Variants in MACROD1 observed in about 807,000 individuals in gnomAD.
The protein encoded by MACROD1 is mono-ADP ribosylhydrolase 1.
A neutral mutation model predicts 41.4 loss-of-function variants in MACROD1; 31 were observed. That is an observed-to-expected ratio of 0.75 (90% CI 0.56 to 1.01). The LOEUF (loss-of-function observed/expected upper bound fraction) is 1.01. MACROD1 is among the 50% of genes least tolerant of loss of function. The pLI is 0.00. For missense variants in MACROD1, 473 were observed against 460.0 expected, an observed-to-expected ratio of 1.03 and a Z score of -0.26; for synonymous variants, 252 against 203.4, an observed-to-expected ratio of 1.24 and a Z score of -2.03.
chr11:64,151,311 G>A lies in MACROD1; in HGVS notation c.445C>T (p.Gln149Ter). The A allele has an allele frequency of 1.2e-6, 2 of 1,613,938 alleles. No individual in the cohort carries two copies. The highest frequency in any genetic ancestry group is 8.5e-7 in the Non-Finnish European group (1 of 1,180,030). ...VEEPRYKKDKQLNEKISLLRS... is the reference protein window; with the variant it reads ...VEEPRYKKDK The stretch of plus-strand genomic sequence containing the variant: ...AGCAGGGAGATTTTCTCATTGAGCT[G>A]CTTGTCCTTTTTATACCTGGGCTCC... The change falls in exon 3 of 11, where the codon CAG (glutamine) becomes TAG (stop). Residue 149 changes from glutamine to a stop codon, truncating the protein, a stop_gained. Coordinates refer to ENST00000255681, the MANE Select transcript of MACROD1 (RefSeq NM_014067.4). LOFTEE classifies it high-confidence loss of function.
chr11:64,128,331 G>A (rs1945216101), intron 3 of MACROD1, among the ~76,000 whole-genome samples: 1 of 152,166 alleles, frequency 6.6e-6, no homozygotes, highest in South Asian at 2.1e-4. Flanking sequence ...CTGGAACACA[G>A]TCAGCCAGCC....
intron 3 of MACROD1, among the ~76,000 whole-genome samples, chr11:64,137,646 G>A (rs1221899976): frequency 6.6e-6 from 1 of 152,134 alleles, no homozygotes; most frequent in African/African-American, 2.4e-5. Flanking sequence ...AGTAGCCATC[G>A]AGAGTGTAAA....
At chr11:64,134,646 C>T (rs997058865) in intron 3 of MACROD1, among the ~76,000 whole-genome samples, 7 of 152,170 alleles carry the variant, frequency 4.6e-5, no homozygotes, top group Non-Finnish European at 4.4e-5. Context: ...CACCTGCCTC[C>T]CCGGCTGCGC....
chr11:64,099,027 G>A (rs1000087954), intron 3 of MACROD1, among the ~76,000 whole-genome samples: 8 of 152,256 alleles, frequency 5.3e-5, no homozygotes, highest in African/African-American at 1.4e-4. Context: ...CCTGAGGATC[G>A]TTTCTACTTC....
At chr11:64,135,564 G>T (rs534564695) in intron 3 of MACROD1, among the ~76,000 whole-genome samples, 1 of 152,148 alleles carries the variant, frequency 6.6e-6, no homozygotes, top group African/African-American at 2.4e-5. Flanking sequence ...GGACAAACAC[G>T]CAGGCCATAA....
intron 3 of MACROD1, chr11:64,118,950 T>C (rs1480012676): frequency 6.0e-6 from 1 of 167,114 alleles, no homozygotes; most frequent in Non-Finnish European, 1.5e-5. Context: ...CAAACTTTTT[T>C]TTCCTAGGCT....
chr11:64,057,895 C>T lies in MACROD1; in HGVS notation c.518-42614G>A, dbSNP rs569084659. ...AATTCGTGAGGTCACAGGATTTGAACTCATGTGGGTGCAACCCCAAAGCCA... is the reference window on the plus strand; with the variant it reads ...AATTCGTGAGGTCACAGGATTTGAATTCATGTGGGTGCAACCCCAAAGCCA... On this transcript the variant is annotated intron_variant, in intron 3 of 10. Coordinates refer to ENST00000255681, the MANE Select transcript of MACROD1 (RefSeq NM_014067.4). Among the ~76,000 whole-genome samples, 4 of 152,344 alleles carry T rather than the reference C, an allele frequency of 2.6e-5. No individual in the cohort carries two copies. The East Asian group carries it at 5.8e-4, about 22-fold the overall frequency.
chr11:64,132,962 G>A (rs1565252806), intron 3 of MACROD1, among the ~76,000 whole-genome samples: 3 of 152,164 alleles, frequency 2.0e-5, no homozygotes. Context: ...AGGTCTGTCC[G>A]GGTTCCCCCC....
intron 4 of MACROD1, chr11:64,009,163 C>CGGGCGTCA (rs749953772): frequency 2.0e-5 from 3 of 152,082 alleles, no homozygotes; most frequent in East Asian, 1.9e-4. Flanking sequence ...AGGAGAGACA[C>CGGGCGTCA]GGGCGTCAGG....
At chr11:64,018,928 C>A (rs1316310323) in intron 3 of MACROD1, among the ~76,000 whole-genome samples, 1 of 152,214 alleles carries the variant, frequency 6.6e-6, no homozygotes, top group Non-Finnish European at 1.5e-5. Context: ...GGGATGGGCA[C>A]TGGACTGCGA....
At chr11:64,019,219 C>A (rs1039072380) in intron 3 of MACROD1, among the ~76,000 whole-genome samples, 137 of 152,168 alleles carry the variant, frequency 9.0e-4, no homozygotes, top group Non-Finnish European at 2.6e-4. Flanking sequence ...GGGTTCCCCC[C>A]GCCCGAGGAC....
At chr11:64,060,126 T>C (rs1943870734) in intron 3 of MACROD1, among the ~76,000 whole-genome samples, 1 of 152,234 alleles carries the variant, frequency 6.6e-6, no homozygotes, top group Non-Finnish European at 1.5e-5. Context: ...CCTTACTTTG[T>C]TTAATTAGTG....
At chr11:64,128,207 G>T (rs563616362) in intron 3 of MACROD1, among the ~76,000 whole-genome samples, 8 of 152,244 alleles carry the variant, frequency 5.3e-5, no homozygotes, top group African/African-American at 1.7e-4. Context: ...ACCCAGGAAA[G>T]GACCCAGGCT....
At chr11:64,109,645 C>T (rs764443033) in intron 3 of MACROD1, among the ~76,000 whole-genome samples, 5 of 152,162 alleles carry the variant, frequency 3.3e-5, no homozygotes, top group Non-Finnish European at 5.9e-5. Flanking sequence ...CCCCGGACTC[C>T]TCCACCCTGC....
At chr11:64,063,900 G>C (rs939601685) in intron 3 of MACROD1, among the ~76,000 whole-genome samples, 57 of 152,334 alleles carry the variant, frequency 3.7e-4, no homozygotes, top group African/African-American at 1.4e-3. Context: ...AGGGGGACCA[G>C]CCGGGCCCTC....
Position 64,002,228 on chromosome 11 carries a change from C to T in MACROD1, c.548-1885G>A, listed in dbSNP as rs138987722. Among the ~76,000 whole-genome samples the T allele has an allele frequency of 5.7e-3, 875 of 152,284 alleles. 14 individuals are homozygous for T. The highest frequency in any genetic ancestry group is 0.02 in the African/African-American group (827 of 41,556). Reference sequence around the variant, plus strand: ...GCCTCCCGGGTCGAGCACCTGGCACCGGCTGCTCGAAGTCTCTGGGGGCTC... The same window carrying T: ...GCCTCCCGGGTCGAGCACCTGGCACTGGCTGCTCGAAGTCTCTGGGGGCTC... On this transcript the variant is annotated intron_variant, in intron 4 of 10. Coordinates refer to ENST00000255681, the MANE Select transcript of MACROD1 (RefSeq NM_014067.4).
At chr11:64,140,469 G>C (rs1374734334) in intron 3 of MACROD1, among the ~76,000 whole-genome samples, 1 of 152,256 alleles carries the variant, frequency 6.6e-6, no homozygotes, top group Non-Finnish European at 1.5e-5. Flanking sequence ...GGTGCCTTCA[G>C]CCTGTTCAGG....
rs547601412 is a variant in MACROD1, at chr11:64,000,183, C to A, written c.664+44G>T. ...CCCTGATGTCCCAGTGACACACGGG[C>A]GCCCTGTCTGCGCCCCACAGCTGGG... On this transcript the variant is annotated intron_variant, in intron 5 of 10. Transcript: ENST00000255681. The A allele has an allele frequency of 1.0e-5, 15 of 1,502,576 alleles. No individual in the cohort carries two copies. The African/African-American group carries it at 1.1e-4, about 11-fold the overall frequency. The allele number at this position is 1,502,576 out of a possible 1,614,324, so 93.1% of individuals were successfully genotyped here.
intron 3 of MACROD1, among the ~76,000 whole-genome samples, chr11:64,021,869 C>T (rs976687382): frequency 1.3e-5 from 2 of 148,344 alleles, no homozygotes; most frequent in African/African-American, 5.0e-5. Flanking sequence ...CGAGAATCAA[C>T]TTGCACAAGA....
Sources: allele counts gnomAD v4.1 joint callset (sites outside exome capture counted in the v4.1 genomes callset), GRCh38; gene constraint gnomAD v4.1.1; transcripts MANE v1.5; gene names NCBI Gene and HGNC (gene_info 2026-07-23, HGNC 2026-07-21).